Variants in MARCHF1 observed in about 807,000 individuals in gnomAD.
MARCHF1 encodes membrane associated ring-CH-type finger 1.
MARCHF1 carries 40 observed loss-of-function variants against 54.2 expected under a neutral mutation model. That is an observed-to-expected ratio of 0.74 (90% CI 0.57 to 0.96). The LOEUF (loss-of-function observed/expected upper bound fraction) is 0.96. Ranked by LOEUF, MARCHF1 falls within the 40% of genes least tolerant of loss-of-function variation. The pLI, the probability that MARCHF1 is intolerant of heterozygous loss-of-function variation, is 0.00. For missense variants in MARCHF1, 586 were observed against 656.5 expected (o/e 0.89, Z 1.17); for synonymous variants, 236 against 236.3 (o/e 1.00, Z 0.01).
chr4:164,325,159 T>C (rs188525481), intron 1 of MARCHF1, among the ~76,000 whole-genome samples: 3 of 151,818 alleles, frequency 2.0e-5, no homozygotes, highest in Non-Finnish European at 1.5e-5. Context: ...GTGCATACTA[T>C]ATGTATAGGT....
At position 163,692,201 on chromosome 4, in the gene MARCHF1, G is replaced by A. The variant is rs753639644; in HGVS notation, c.162+8612C>T. Among the ~76,000 whole-genome samples the A allele has an allele frequency of 5.3e-5, 8 of 152,322 alleles. No homozygotes were observed. In the East Asian group the frequency reaches 1.5e-3, roughly 29 times the overall value. Reference sequence around the variant, plus strand: ...TTAATTCAACATATATTTGTTGAGTGTGTCCTACTTATCAGTCCCTCTTCT... The same window carrying A: ...TTAATTCAACATATATTTGTTGAGTATGTCCTACTTATCAGTCCCTCTTCT... On this transcript the variant is annotated intron_variant, in intron 5 of 9. Transcript: ENST00000514618.
rs1341244646 is a variant in MARCHF1 at position 164,169,833 on chromosome 4, C to T, written c.-322-58171G>A. 2.0e-5 allele frequency among the ~76,000 whole-genome samples: 3 copies of T among 151,976 alleles called. No individual in the cohort carries two copies. In the East Asian group the frequency reaches 5.8e-4, roughly 29 times the overall value. ...AACATCTTTACTTGAGAGAATGACT[C>T]ACTCACTTTATACCTTATATATCAT... On this transcript the variant is annotated intron_variant, in intron 1 of 9. Coordinates refer to ENST00000514618, the MANE Select transcript of MARCHF1 (RefSeq NM_001394959.1).
intron 2 of MARCHF1, among the ~76,000 whole-genome samples, chr4:164,005,018 C>T (rs557633926): frequency 6.6e-6 from 1 of 151,100 alleles, no homozygotes; most frequent in Non-Finnish European, 1.5e-5. Flanking sequence ...CTGGAAAAAA[C>T]AATAATGCAG....
chr4:164,088,790 A>G (rs116385243), intron 2 of MARCHF1, among the ~76,000 whole-genome samples: 1 of 152,168 alleles, frequency 6.6e-6, no homozygotes, highest in African/African-American at 2.4e-5. Context: ...AAGTGAAAAA[A>G]TCCAAAAGAC....
At chr4:163,675,851 G>T (rs1410628534) in intron 5 of MARCHF1, among the ~76,000 whole-genome samples, 2 of 152,006 alleles carry the variant, frequency 1.3e-5, no homozygotes, top group African/African-American at 4.8e-5. Flanking sequence ...TAGTGCCTTT[G>T]TAAGGAATAA....
At chr4:163,740,053 A>G (rs17044087) in intron 4 of MARCHF1, among the ~76,000 whole-genome samples, 5,967 of 152,260 alleles carry the variant, frequency 0.039, 174 homozygotes, top group East Asian at 0.077. Context: ...TTATAGGCAC[A>G]CTGCATGATT....
intron 1 of MARCHF1, among the ~76,000 whole-genome samples, chr4:164,142,457 G>A (rs1756570974): frequency 6.6e-6 from 1 of 152,142 alleles, no homozygotes; most frequent in Non-Finnish European, 1.5e-5. Flanking sequence ...GGTTCTCCCA[G>A]CACGCAGCTG....
At chr4:163,797,333 A>ATGTG (rs900358776) in intron 4 of MARCHF1, among the ~76,000 whole-genome samples, 6 of 102,108 alleles carry the variant, frequency 5.9e-5, no homozygotes, top group Non-Finnish European at 1.3e-4. Flanking sequence ...TACGGTGTGT[A>ATGTG]TGTGTGTGTG....
chr4:163,934,408 A>G (rs1031778698), intron 3 of MARCHF1, among the ~76,000 whole-genome samples: 15 of 151,148 alleles, frequency 9.9e-5, no homozygotes, highest in African/African-American at 3.6e-4. Context: ...TTTTTTTTTT[A>G]ATTAGCCAGG....
intron 5 of MARCHF1, among the ~76,000 whole-genome samples, chr4:163,694,955 T>C (rs1744573382): frequency 6.6e-6 from 1 of 152,152 alleles, no homozygotes; most frequent in South Asian, 2.1e-4. Flanking sequence ...TCTCTGAAAG[T>C]CCTCAAATTA....
intron 3 of MARCHF1, among the ~76,000 whole-genome samples, chr4:163,903,618 T>C (rs1750988975): frequency 1.3e-5 from 2 of 151,970 alleles, no homozygotes; most frequent in South Asian, 4.2e-4. Flanking sequence ...TTTCTTTCTT[T>C]CTTTTTTTTG....
intron 4 of MARCHF1, among the ~76,000 whole-genome samples, chr4:163,753,066 T>C (rs1051073771): frequency 6.6e-6 from 1 of 152,144 alleles, no homozygotes; most frequent in Non-Finnish European, 1.5e-5. Flanking sequence ...GATATTCTTC[T>C]GCATCTACTC....
Position 164,357,085 on chromosome 4 carries a change from G to T in MARCHF1, c.-323+26785C>A, listed in dbSNP as rs557672884. On this transcript the variant is annotated intron_variant, in intron 1 of 9. Transcript: ENST00000514618. Reference sequence around the variant, plus strand: ...ACAAGTTTACCTATATAACAAATCTGCATATGCACCCCTGAACTTAAGTTT... The same window carrying T: ...ACAAGTTTACCTATATAACAAATCTTCATATGCACCCCTGAACTTAAGTTT... 3.3e-5 allele frequency among the ~76,000 whole-genome samples: 5 copies of T among 149,940 alleles called. No homozygotes were observed. The East Asian group carries it at 9.9e-4, about 30-fold the overall frequency.
intron 2 of MARCHF1, among the ~76,000 whole-genome samples, chr4:163,989,494 C>G (rs998149939): frequency 5.3e-5 from 8 of 152,054 alleles, no homozygotes; most frequent in African/African-American, 1.9e-4. Flanking sequence ...TCTGTGCTCC[C>G]CGAAATATAT....
At chr4:164,136,342 A>G (rs184695239) in intron 1 of MARCHF1, among the ~76,000 whole-genome samples, 1 of 151,846 alleles carries the variant, frequency 6.6e-6, no homozygotes, top group African/African-American at 2.4e-5. Flanking sequence ...CTTTACTTGC[A>G]TCATCCTTCC....
rs114189034 is a variant in MARCHF1 at position 164,230,852 on chromosome 4, G to A, written c.-322-119190C>T. Among the ~76,000 whole-genome samples the A allele has an allele frequency of 2.6e-3, 403 of 152,200 alleles. 2 individuals carry two copies. The highest frequency in any genetic ancestry group is 9.1e-3 in the African/African-American group (378 of 41,526). On this transcript the variant is annotated intron_variant, in intron 1 of 9. Coordinates refer to ENST00000514618, the MANE Select transcript of MARCHF1 (RefSeq NM_001394959.1). ...TATTCTTGGTAAAGAGTTAGGATGT[G>A]TATTTGCTTTTATTGTGCAGTATAC...
intron 2 of MARCHF1, among the ~76,000 whole-genome samples, chr4:164,037,661 G>T (rs769933030): frequency 1.3e-5 from 2 of 152,272 alleles, no homozygotes; most frequent in African/African-American, 2.4e-5. Context: ...GCTGTGCATG[G>T]TGACTTCAAT....
chr4:164,219,434 A>G (rs766398688), intron 1 of MARCHF1, among the ~76,000 whole-genome samples: 8 of 152,154 alleles, frequency 5.3e-5, no homozygotes, highest in Non-Finnish European at 1.2e-4. Flanking sequence ...GTGATATATG[A>G]TATAGAGAAC....
chr4:163,944,926 A>T (rs1400370856), intron 3 of MARCHF1, among the ~76,000 whole-genome samples: 1 of 152,200 alleles, frequency 6.6e-6, no homozygotes. Context: ...TGTATTGACT[A>T]TTCATATTCC....
Sources: gnomAD v4.1 joint callset for allele counts (sites outside exome capture counted in the v4.1 genomes callset) on GRCh38, gnomAD v4.1.1 for gene constraint, MANE v1.5 for transcripts, NCBI Gene and HGNC (gene_info 2026-07-23, HGNC 2026-07-21) for gene names.